The following SCN9A variants were observed in gnomAD, a reference collection of about 807,000 sequenced individuals.
The protein encoded by SCN9A is sodium channel protein type 9 subunit alpha.
SCN9A carries 131 observed loss-of-function variants against 187.0 expected under a neutral mutation model. The observed-to-expected ratio is 0.70, with a 90% CI of 0.61 to 0.81. The LOEUF is 0.81. SCN9A is among the 30% of genes least tolerant of loss of function. SCN9A has a pLI of 0.00. For missense variants in SCN9A, 2,252 were observed against 2,396.6 expected (o/e 0.94, Z 1.26); for synonymous variants, 809 against 808.6 (o/e 1.00, Z -0.01).
At chr2:166,325,029 A>G (rs1420204820) in intron 1 of SCN9A, among the ~76,000 whole-genome samples, 1 of 152,144 alleles carries the variant, frequency 6.6e-6, no homozygotes, top group East Asian at 1.9e-4. Flanking sequence ...ACTAATATAA[A>G]CTGTTAATAA....
intron 24 of SCN9A, among the ~76,000 whole-genome samples, chr2:166,218,515 A>G (rs1417555330): frequency 6.6e-6 from 1 of 152,142 alleles, no homozygotes; most frequent in Non-Finnish European, 1.5e-5. Flanking sequence ...TGGAGAAAGT[A>G]TAAATCTTGA....
At chr2:166,293,821 CAAT>C (rs1399350979) in intron 8 of SCN9A, among the ~76,000 whole-genome samples, 2 of 152,116 alleles carry the variant, frequency 1.3e-5, no homozygotes, top group African/African-American at 2.4e-5. Flanking sequence ...AGATTAGAGT[CAAT>C]AATAGTCAAA....
chr2:166,236,789 A>G (rs1695337496), intron 20 of SCN9A, among the ~76,000 whole-genome samples: 1 of 152,182 alleles, frequency 6.6e-6, no homozygotes, highest in South Asian at 2.1e-4. Context: ...AAATATGACT[A>G]ATTTGGTAAC....
intron 26 of SCN9A, among the ~76,000 whole-genome samples, chr2:166,202,412 C>T (rs1219562155): frequency 9.3e-6 from 1 of 107,414 alleles, no homozygotes; most frequent in Non-Finnish European, 2.0e-5. Flanking sequence ...TATATTTGAA[C>T]AGTTTTATTT....
chr2:166,364,837 T>C (rs1700376718), intron 1 of SCN9A, among the ~76,000 whole-genome samples: 1 of 152,166 alleles, frequency 6.6e-6, no homozygotes, highest in Admixed American at 6.5e-5. Context: ...TTGTTATATA[T>C]ATTTTACCAA....
chr2:166,343,233 T>C (rs1699826561), intron 1 of SCN9A, among the ~76,000 whole-genome samples: 1 of 152,128 alleles, frequency 6.6e-6, no homozygotes, highest in Non-Finnish European at 1.5e-5. Flanking sequence ...TTCTAATCAA[T>C]GTTTTATTTC....
intron 1 of SCN9A, among the ~76,000 whole-genome samples, chr2:166,375,300 T>A (rs1574979736): frequency 6.6e-6 from 1 of 152,186 alleles, no homozygotes; most frequent in East Asian, 1.9e-4. Flanking sequence ...ATACAGCACA[T>A]GCTTTTTGCT....
chr2:166,318,551 T>G (rs1311852812), intron 1 of SCN9A, among the ~76,000 whole-genome samples: 2 of 151,634 alleles, frequency 1.3e-5, no homozygotes, highest in Admixed American at 1.3e-4. Context: ...TAGAGAAATT[T>G]GAGGAGACAG....
At chr2:166,238,566 CCT>C (rs1469116185) in intron 19 of SCN9A, among the ~76,000 whole-genome samples, 1 of 152,208 alleles carries the variant, frequency 6.6e-6, no homozygotes, top group East Asian at 1.9e-4. Context: ...TCTGATTCCT[CCT>C]CTTTCTCCAT....
At chr2:166,334,174 A>G (rs1699574177) in intron 1 of SCN9A, among the ~76,000 whole-genome samples, 1 of 152,118 alleles carries the variant, frequency 6.6e-6, no homozygotes, top group South Asian at 2.1e-4. Flanking sequence ...TCTCAACTGC[A>G]TCTATTAAAG....
At chr2:166,248,928 C>A (rs1027435464) in intron 18 of SCN9A, among the ~76,000 whole-genome samples, 1 of 152,054 alleles carries the variant, frequency 6.6e-6, no homozygotes, top group African/African-American at 2.4e-5. Context: ...CTCGGCCTCC[C>A]AAAGTACTGG....
Position 166,284,628 on chromosome 2 carries a change from C to G in SCN9A, c.1799G>C (p.Ser600Thr). Reference sequence around the variant, plus strand: ...GGACCTACTGGCTTGGCTGATGTTACTGCTGCGTCGCTCCTGGGGTCTGTG... The same window carrying G: ...GGACCTACTGGCTTGGCTGATGTTAGTGCTGCGTCGCTCCTGGGGTCTGTG... ...VPHRPQERRS[S>T]NISQASRSPP... is the part of the protein sequence containing the mutation. The change falls in exon 12 of 27, where the codon AGT becomes ACT. Residue 600 changes from serine to threonine, a missense_variant. By Grantham distance (58) the Ser-to-Thr change is moderately conservative. Around this residue, in one of 7 missense-constraint regions of SCN9A, gnomAD observed 1,013 missense variants for 997.4 expected, o/e 1.02. Coordinates refer to ENST00000642356, the MANE Select transcript of SCN9A (RefSeq NM_001365536.1). The G allele has an allele frequency of 1.9e-6, 3 of 1,614,002 alleles. No homozygotes were observed. Among genetic ancestry groups the G allele is most frequent in the Non-Finnish European group, 1.7e-6 (2 of 1,179,884 alleles).
intron 24 of SCN9A, among the ~76,000 whole-genome samples, chr2:166,214,749 C>T (rs1308269070): frequency 6.6e-6 from 1 of 151,310 alleles, no homozygotes; most frequent in African/African-American, 2.4e-5. Context: ...CTCCTGACCT[C>T]GTGATCCGCC....
At chr2:166,226,942 T>C (rs1694865806) in intron 23 of SCN9A, among the ~76,000 whole-genome samples, 1 of 152,032 alleles carries the variant, frequency 6.6e-6, no homozygotes, top group South Asian at 2.1e-4. Context: ...AATCTTCAAA[T>C]AACTACAAAG....
intron 1 of SCN9A, among the ~76,000 whole-genome samples, chr2:166,336,662 G>T (rs1220991649): frequency 3.3e-5 from 5 of 152,060 alleles, no homozygotes; most frequent in Admixed American, 1.3e-4. Context: ...CACTGTAAAC[G>T]GCCTGAGAGG....
intron 24 of SCN9A, among the ~76,000 whole-genome samples, chr2:166,221,661 T>C (rs1470440237): frequency 6.6e-6 from 1 of 152,136 alleles, no homozygotes; most frequent in Non-Finnish European, 1.5e-5. Context: ...GCCTCCCGAG[T>C]TGCTGGGATT....
chr2:166,223,211 G>A (rs115801598), intron 24 of SCN9A, among the ~76,000 whole-genome samples: 2,276 of 152,162 alleles, frequency 0.015, 34 homozygotes, highest in South Asian at 0.027. Flanking sequence ...CCACATCTGA[G>A]CATATTTTAA....
intron 1 of SCN9A, among the ~76,000 whole-genome samples, chr2:166,329,074 A>C (rs977824064): frequency 6.6e-6 from 1 of 152,110 alleles, no homozygotes; most frequent in Non-Finnish European, 1.5e-5. Context: ...AATAACTGAA[A>C]ATTAGAAAGC....
Position 166,197,272 on chromosome 2 carries a change from C to T in SCN9A, c.*1400G>A, listed in dbSNP as rs944463025. ...ATTATGGTTATTTCTTTTCAAATTA[C>T]TATTAATAGGTGTTTTCAAAAAACT... On this transcript the variant is annotated 3_prime_UTR_variant, in exon 27 of 27. Transcript: ENST00000642356. 6.6e-6 allele frequency: 1 copy of T among 151,976 alleles called. No homozygotes were observed. The highest frequency in any genetic ancestry group is 2.4e-5 in the African/African-American group (1 of 41,388). The allele number at this position is 151,976 out of a possible 1,614,324, so 9.4% of individuals were successfully genotyped here. A position where few individuals can be genotyped will look rare whatever the true frequency, so the allele number is the denominator to read the frequency against.
Sources: allele counts gnomAD v4.1 joint callset (sites outside exome capture counted in the v4.1 genomes callset), GRCh38; gene constraint gnomAD v4.1.1; regional missense constraint gnomAD v4.1.1; transcripts MANE v1.5; gene names NCBI Gene and HGNC (gene_info 2026-07-23, HGNC 2026-07-21).